TFCP2: variants seen among roughly 807,000 people sequenced by gnomAD.
TFCP2 encodes the protein alpha-globin transcription factor CP2.
In TFCP2, 33 loss-of-function variants were observed where a neutral mutation model predicts 73.4. The observed-to-expected ratio is 0.45, with a 90% CI of 0.34 to 0.60. TFCP2 has a LOEUF of 0.60. TFCP2 is among the 20% of genes least tolerant of loss of function. The probability of loss-of-function intolerance (pLI) is 0.01; values close to 1 mark genes in which losing one functional copy is unlikely to be tolerated. For synonymous variants in TFCP2, 193 were observed against 211.6 expected (o/e 0.91, Z 0.76); for missense variants, 352 against 604.0 (o/e 0.58, Z 4.37).
chr12:51,168,990 C>A (rs1039334387), intron 1 of TFCP2, among the ~76,000 whole-genome samples: 1 of 151,574 alleles, frequency 6.6e-6, no homozygotes, highest in Non-Finnish European at 1.5e-5. Context: ...TTGGTAGAGA[C>A]AGGGTTTCAC....
chr12:51,111,078 A>G, intron 4 of TFCP2, 95 bp from the exon 5 acceptor site: 1 of 854,182 alleles, frequency 1.2e-6, no homozygotes, highest in Admixed American at 2.2e-5. Context: ...TGTAGCTACC[A>G]AGATTTTTGT....
At chr12:51,118,824 G>T in intron 1 of TFCP2, 52 bp from the exon 2 acceptor site, 1 of 1,586,472 alleles carries the variant, frequency 6.3e-7, no homozygotes, top group Non-Finnish European at 8.6e-7. Flanking sequence ...TGCAAACGCA[G>T]GTTTATTGCT....
At chr12:51,118,595 T>C in intron 2 of TFCP2, 26 bp downstream of exon 2, 1 of 1,611,384 alleles carries the variant, frequency 6.2e-7, no homozygotes, top group Non-Finnish European at 8.5e-7. Context: ...TCTGCAATAG[T>C]ACTAATGAAT....
In TFCP2 at chr12:51,109,119, A is replaced by G; in HGVS notation, c.717+2T>C. 1 of 1,614,194 alleles carries G rather than the reference A, an allele frequency of 6.2e-7. No individual in the cohort carries two copies. Among genetic ancestry groups the G allele is most frequent in the Non-Finnish European group, 8.5e-7 (1 of 1,180,000 alleles). On this transcript the variant is annotated splice_donor_variant, in intron 6 of 14. Coordinates refer to ENST00000257915, the MANE Select transcript of TFCP2 (RefSeq NM_005653.5). LOFTEE classifies it high-confidence loss of function. ...AAGGGCCAGCACATTGCCCAGGAAT[A>G]CCTTGAAAACTTTGATCTGGCAGCT... is the stretch of plus-strand genomic sequence containing the variant.
chr12:51,111,291 G>A (rs1022329629), intron 4 of TFCP2, among the ~76,000 whole-genome samples: 5 of 151,780 alleles, frequency 3.3e-5, no homozygotes, highest in African/African-American at 7.3e-5. Flanking sequence ...TTACAGGCCC[G>A]TGCCACCACG....
intron 1 of TFCP2, among the ~76,000 whole-genome samples, chr12:51,142,806 TC>T (rs755535239): frequency 7.2e-5 from 11 of 152,252 alleles, no homozygotes; most frequent in Admixed American, 3.3e-4. Flanking sequence ...CACTTCCAAT[TC>T]ATTCCTTCAA....
chr12:51,135,525 GTATAT>G (rs1941044181), intron 1 of TFCP2, among the ~76,000 whole-genome samples: 1 of 152,096 alleles, frequency 6.6e-6, no homozygotes, highest in Non-Finnish European at 1.5e-5. Context: ...TGCTGTATTT[GTATAT>G]TATATTACTA....
intron 1 of TFCP2, among the ~76,000 whole-genome samples, chr12:51,121,493 T>TC (rs1337381125): frequency 6.9e-6 from 1 of 145,042 alleles, no homozygotes; most frequent in African/African-American, 2.5e-5. Context: ...TTTAAGACAG[T>TC]CTCACTCTGT....
chr12:51,106,305 G>A (rs1451375557), intron 8 of TFCP2, among the ~76,000 whole-genome samples: 1 of 152,120 alleles, frequency 6.6e-6, no homozygotes, highest in Non-Finnish European at 1.5e-5. Context: ...GAAAAAAGAC[G>A]AGGAGGAGGG....
intron 1 of TFCP2, among the ~76,000 whole-genome samples, chr12:51,134,711 C>T (rs1307074788): frequency 6.6e-6 from 1 of 152,170 alleles, no homozygotes; most frequent in Non-Finnish European, 1.5e-5. Context: ...TTTACAGTTC[C>T]TTTAACAGTA....
intron 13 of TFCP2, among the ~76,000 whole-genome samples, chr12:51,097,336 C>T (rs1286642425): frequency 1.3e-5 from 2 of 152,224 alleles, no homozygotes; most frequent in South Asian, 4.1e-4. Context: ...GCAACCTCTG[C>T]CTCTCGGGTT....
At chr12:51,161,427 T>C (rs1437496109) in intron 1 of TFCP2, among the ~76,000 whole-genome samples, 1 of 150,982 alleles carries the variant, frequency 6.6e-6, no homozygotes, top group Admixed American at 6.6e-5. Context: ...ACGCCTGCAA[T>C]CCCAGCACTT....
chr12:51,168,809 A>T (rs998372025), intron 1 of TFCP2, among the ~76,000 whole-genome samples: 3 of 148,698 alleles, frequency 2.0e-5, no homozygotes, highest in South Asian at 2.1e-4. Context: ...TTTTTATTTC[A>T]TTTTTTTTTT....
intron 1 of TFCP2, among the ~76,000 whole-genome samples, chr12:51,135,224 C>G (rs191470454): frequency 6.6e-6 from 1 of 151,678 alleles, no homozygotes; most frequent in Non-Finnish European, 1.5e-5. Flanking sequence ...GCCAGGAGTT[C>G]GAGACCAGCC....
At chr12:51,110,214 C>T (rs746437490) in intron 5 of TFCP2, among the ~76,000 whole-genome samples, 26 of 152,042 alleles carry the variant, frequency 1.7e-4, no homozygotes, top group African/African-American at 1.5e-4. Context: ...TAATCAGATA[C>T]GCAAATCAAA....
chr12:51,126,859 T>C (rs1262346926), intron 1 of TFCP2, among the ~76,000 whole-genome samples: 3 of 152,064 alleles, frequency 2.0e-5, no homozygotes, highest in African/African-American at 4.8e-5. Context: ...CAGCAAACAA[T>C]TGGCCATAAC....
chr12:51,121,709 G>A (rs561628793), intron 1 of TFCP2, among the ~76,000 whole-genome samples: 1 of 151,696 alleles, frequency 6.6e-6, no homozygotes, highest in East Asian at 2.0e-4. Flanking sequence ...CAAGTGATCT[G>A]CCCACCTCAG....
intron 1 of TFCP2, among the ~76,000 whole-genome samples, chr12:51,124,420 CTTCT>C (rs1223548554): frequency 2.6e-5 from 4 of 151,990 alleles, no homozygotes; most frequent in East Asian, 3.9e-4. Context: ...TTTTCTTCTT[CTTCT>C]TTTTTTTTTA....
intron 1 of TFCP2, chr12:51,125,233 T>C (rs760549862): frequency 9.9e-6 from 6 of 605,414 alleles, no homozygotes; most frequent in Non-Finnish European, 1.9e-5. Context: ...TCTGTACCCA[T>C]GGGATGAGAA....
Sources: gnomAD v4.1 joint callset for allele counts (sites outside exome capture counted in the v4.1 genomes callset) on GRCh38, gnomAD v4.1.1 for gene constraint, MANE v1.5 for transcripts, NCBI Gene and HGNC (gene_info 2026-07-23, HGNC 2026-07-21) for gene names.